The following TMEM245 variants were observed in gnomAD, a reference collection of about 807,000 sequenced individuals.
The protein encoded by TMEM245 is transmembrane protein 245, also known as protein CG-2.
A neutral mutation model predicts 101.2 loss-of-function variants in TMEM245; 69 were observed. That is an observed-to-expected ratio of 0.68 (90% CI 0.56 to 0.83). The LOEUF is 0.83. Ranked by LOEUF, TMEM245 falls within the 40% of genes least tolerant of loss-of-function variation. TMEM245 has a pLI of 0.00. For synonymous variants in TMEM245, 537 were observed against 449.8 expected (o/e 1.19, Z -2.45); for missense variants, 1,075 against 1,092.8 (o/e 0.98, Z 0.23).
chr9:109,073,045 CTCACACAG>C (rs1829382056), intron 9 of TMEM245, among the ~76,000 whole-genome samples: 1 of 152,174 alleles, frequency 6.6e-6, no homozygotes, highest in Admixed American at 6.5e-5. Context: ...TTCAATCTAT[CTCACACAG>C]TCACTGTGAG....
Position 109,050,743 on chromosome 9 carries a change from T to A in TMEM245, c.1855-51A>T, listed in dbSNP as rs7048412. On this transcript the variant is annotated intron_variant, in intron 12 of 17. Coordinates refer to ENST00000374586, the MANE Select transcript of TMEM245 (RefSeq NM_032012.4). The stretch of plus-strand genomic sequence containing the variant: ...CAGAACCAATCCTCATGAAAAAAGT[T>A]TCTAGAGCCATCTAGTGTGCTTTTA... The A allele has an allele frequency of 8.0e-4, 1,289 of 1,607,760 alleles. 14 individuals are homozygous for A. The African/African-American group carries it at 0.016, about 20-fold the overall frequency.
chr9:109,074,011 C>A (rs1829419882), intron 8 of TMEM245, among the ~76,000 whole-genome samples: 1 of 152,054 alleles, frequency 6.6e-6, no homozygotes, highest in African/African-American at 2.4e-5. Flanking sequence ...CAGGCACTCA[C>A]AACCACGCCT....
At chr9:109,109,033 G>C (rs1378544264) in intron 1 of TMEM245, among the ~76,000 whole-genome samples, 1 of 152,172 alleles carries the variant, frequency 6.6e-6, no homozygotes, top group Admixed American at 6.5e-5. Flanking sequence ...AAATATGCTT[G>C]TTACTGGGGA....
chr9:109,047,718 A>T (rs1302644789), intron 14 of TMEM245, among the ~76,000 whole-genome samples: 1 of 152,254 alleles, frequency 6.6e-6, no homozygotes, highest in Non-Finnish European at 1.5e-5. Flanking sequence ...TAAGAATAAG[A>T]GTCAGTAACA....
At chr9:109,030,752 T>C (rs1827921851) in intron 17 of TMEM245, among the ~76,000 whole-genome samples, 1 of 152,214 alleles carries the variant, frequency 6.6e-6, no homozygotes, top group Non-Finnish European at 1.5e-5. Flanking sequence ...TTGGAAAAAC[T>C]GATTTTCCCC....
chr9:109,091,901 T>C (rs944838604), intron 4 of TMEM245, among the ~76,000 whole-genome samples: 5 of 152,188 alleles, frequency 3.3e-5, no homozygotes, highest in African/African-American at 1.2e-4. Flanking sequence ...TGAAAATTAT[T>C]AAGATCCTAA....
intron 3 of TMEM245, among the ~76,000 whole-genome samples, chr9:109,102,289 TG>T (rs1415192734): frequency 6.6e-6 from 1 of 152,230 alleles, no homozygotes; most frequent in Non-Finnish European, 1.5e-5. Flanking sequence ...TATTTTCCAC[TG>T]TCAGAGAGAT....
In TMEM245 at chr9:109,119,659, G is replaced by A. The variant is rs539246534; in HGVS notation, c.255C>T (p.Leu85=). 32 of 1,557,664 alleles carry A rather than the reference G, an allele frequency of 2.1e-5. No homozygotes were observed. The South Asian group carries it at 3.5e-4, about 17-fold the overall frequency. ...GAAAAGTGCCGCATAGCACGGCCCAGAGCAGCGGCCGCAGGAAGGCCTCCA... is the reference window on the plus strand; with the variant it reads ...GAAAAGTGCCGCATAGCACGGCCCAAAGCAGCGGCCGCAGGAAGGCCTCCA... The part of the protein sequence containing the change: ...FILEAFLRPL[L]WAVLCGTFLH... Residue 85 remains leucine, a synonymous_variant, in exon 1 of 18, where the codon CTC becomes CTT. Transcript: ENST00000374586.
At chr9:109,083,536 T>G (rs1387799420) in intron 7 of TMEM245, among the ~76,000 whole-genome samples, 3 of 152,172 alleles carry the variant, frequency 2.0e-5, no homozygotes, top group African/African-American at 7.2e-5. Flanking sequence ...CAAATGTGAA[T>G]GAAGGGCATG....
intron 3 of TMEM245, among the ~76,000 whole-genome samples, chr9:109,097,512 A>G (rs1261066192): frequency 1.3e-5 from 2 of 152,216 alleles, no homozygotes; most frequent in Non-Finnish European, 2.9e-5. Context: ...TATTCTTACT[A>G]CTTAGATGGC....
chr9:109,109,410 A>C (rs1830510719), intron 1 of TMEM245, among the ~76,000 whole-genome samples: 2 of 151,666 alleles, frequency 1.3e-5, no homozygotes, highest in South Asian at 4.2e-4. Context: ...CAAGAAGCTA[A>C]AAGTCAAGTA....
chr9:109,068,369 CA>C (rs34301291), intron 9 of TMEM245, among the ~76,000 whole-genome samples: 66,854 of 102,736 alleles, frequency 0.65, 18,920 homozygotes, highest in East Asian at 0.81. Context: ...GACACCATCT[CA>C]AAAAAAAAAA....
chr9:109,028,226 G>A (rs1164106470), intron 17 of TMEM245, among the ~76,000 whole-genome samples: 1 of 151,678 alleles, frequency 6.6e-6, no homozygotes. Context: ...GAGGAGGGCA[G>A]ATCACCTGAG....
At chr9:109,116,241 T>C (rs1244879961) in intron 1 of TMEM245, among the ~76,000 whole-genome samples, 2 of 152,238 alleles carry the variant, frequency 1.3e-5, no homozygotes, top group Non-Finnish European at 2.9e-5. Context: ...ATAAAGACCA[T>C]GTTCTATAAC....
rs1193341550 is a variant in TMEM245, at chr9:109,041,453, A to ATTTTT, written c.2124-3341_2124-3337dup. ...GTAGGATGTGGTTGCCATCCTACAA[A>ATTTTT]TTTTTTTTTTTTTTTTTTTTTTTTT... On this transcript the variant is annotated intron_variant, in intron 14 of 17. Transcript: ENST00000374586. Among the ~76,000 whole-genome samples, 134 of 83,258 alleles carry ATTTTT rather than the reference A, an allele frequency of 1.6e-3. 6 individuals are homozygous for ATTTTT. Among genetic ancestry groups the ATTTTT allele is most frequent in the African/African-American group, 6.4e-3 (127 of 19,990 alleles). The allele number at this position is 83,258 out of a possible 152,430, so 54.6% of individuals were successfully genotyped here. A position where few individuals can be genotyped will look rare whatever the true frequency, so the allele number is the denominator to read the frequency against.
intron 9 of TMEM245, among the ~76,000 whole-genome samples, chr9:109,070,276 C>A (rs1829292841): frequency 6.6e-6 from 1 of 152,164 alleles, no homozygotes; most frequent in South Asian, 2.1e-4. Context: ...TAGTCAACAG[C>A]CTACTGGATG....
chr9:109,049,080 G>T (rs779688317), intron 14 of TMEM245, among the ~76,000 whole-genome samples: 19 of 152,184 alleles, frequency 1.2e-4, no homozygotes, highest in African/African-American at 4.6e-4. Flanking sequence ...GGAAGCGGGG[G>T]TTCTCTTAAG....
chr9:109,021,613 C>G (rs1304471348), intron 17 of TMEM245, among the ~76,000 whole-genome samples: 1 of 152,182 alleles, frequency 6.6e-6, no homozygotes, highest in Non-Finnish European at 1.5e-5. Context: ...CTCCCAGGCT[C>G]AAGCCATCCT....
intron 9 of TMEM245, among the ~76,000 whole-genome samples, chr9:109,069,443 C>CCTCCTTTTTCCCATT (rs1829265554): frequency 1.3e-5 from 2 of 152,142 alleles, no homozygotes; most frequent in Admixed American, 6.6e-5. Flanking sequence ...CATGTTGGTT[C>CCTCCTTTTTCCCATT]CTCCTTTTTC....
Sources: allele counts gnomAD v4.1 joint callset (sites outside exome capture counted in the v4.1 genomes callset), GRCh38; gene constraint gnomAD v4.1.1; transcripts MANE v1.5; gene names NCBI Gene and HGNC (gene_info 2026-07-23, HGNC 2026-07-21).